The following FAM124A variants were observed in gnomAD, a reference collection of about 807,000 sequenced individuals.
FAM124A encodes family with sequence similarity 124 member A.
FAM124A carries 23 observed loss-of-function variants against 24.5 expected under a neutral mutation model. The ratio of observed to expected loss-of-function variants is 0.94; its 90% CI spans 0.68 to 1.33. The LOEUF (loss-of-function observed/expected upper bound fraction) is 1.33. FAM124A is among the 40% of genes most tolerant of loss of function. The probability of loss-of-function intolerance (pLI) is 0.00; values close to 1 mark genes in which losing one functional copy is unlikely to be tolerated. For synonymous variants in FAM124A, 287 were observed against 314.7 expected (o/e 0.91, Z 0.93); for missense variants, 623 against 722.8 (o/e 0.86, Z 1.58).
At chr13:51,226,737 G>A (rs1240884038) in intron 1 of FAM124A, among the ~76,000 whole-genome samples, 15 of 152,174 alleles carry the variant, frequency 9.9e-5, no homozygotes, top group Admixed American at 9.8e-4. Context: ...GGAAGAAACA[G>A]TTCCGAGAAA....
chr13:51,277,899 G>A (rs4942987), intron 3 of FAM124A, among the ~76,000 whole-genome samples: 16,273 of 152,120 alleles, frequency 0.11, 949 homozygotes, highest in East Asian at 0.27. Flanking sequence ...AGACCCCTTC[G>A]CTTCCCCAGT....
intron 1 of FAM124A, among the ~76,000 whole-genome samples, chr13:51,224,402 C>T (rs1161926651): frequency 1.3e-5 from 2 of 151,928 alleles, no homozygotes; most frequent in African/African-American, 4.8e-5. Flanking sequence ...ACCCGGGAGG[C>T]GGAGGTTGCC....
chr13:51,276,205 C>T lies in FAM124A; in HGVS notation c.835-4245C>T, dbSNP rs573460261. The stretch of plus-strand genomic sequence containing the variant: ...TCAGAGAGATCACTCAAGAGGTATG[C>T]GGGGTGAAGCTAGGGAGGCTAAGTA... On this transcript the variant is annotated intron_variant, in intron 3 of 3. Transcript: ENST00000322475. Among the ~76,000 whole-genome samples the T allele has an allele frequency of 5.9e-5, 9 of 152,186 alleles. No homozygotes were observed. In the South Asian group the frequency reaches 8.3e-4, roughly 14 times the overall value.
At chr13:51,244,834 G>A (rs1954538054) in intron 2 of FAM124A, among the ~76,000 whole-genome samples, 5 of 152,226 alleles carry the variant, frequency 3.3e-5, no homozygotes, top group African/African-American at 4.8e-5. Flanking sequence ...TGCCCACCCA[G>A]GCGAAACAGC....
In FAM124A at chr13:51,224,294, C is replaced by T. The variant is rs532944920; in HGVS notation, c.68+1725C>T. Among the ~76,000 whole-genome samples the T allele has an allele frequency of 3.9e-5, 6 of 152,304 alleles. No individual in the cohort carries two copies. In the East Asian group the frequency reaches 1.2e-3, roughly 29 times the overall value. ...GACCAGCCTGGCCAACATGGAGAAACCTCATCCCTACTAAAAAATATACAG... is the reference window on the plus strand; with the variant it reads ...GACCAGCCTGGCCAACATGGAGAAATCTCATCCCTACTAAAAAATATACAG... On this transcript the variant is annotated intron_variant, in intron 1 of 3. Transcript: ENST00000322475.
intron 2 of FAM124A, among the ~76,000 whole-genome samples, chr13:51,247,826 C>G (rs2408302): frequency 0.84 from 127,203 of 152,158 alleles, 53,458 homozygotes; most frequent in South Asian, 0.9. Context: ...TGGAGTTACT[C>G]ACTGGCAGAA....
chr13:51,239,395 T>C (rs1954468725), intron 2 of FAM124A, among the ~76,000 whole-genome samples: 1 of 152,228 alleles, frequency 6.6e-6, no homozygotes, highest in Admixed American at 6.5e-5. Flanking sequence ...TTTTGGGTAA[T>C]AATTTACTAA....
At chr13:51,242,322 C>A (rs73194189) in intron 2 of FAM124A, among the ~76,000 whole-genome samples, 3,460 of 152,292 alleles carry the variant, frequency 0.023, 55 homozygotes, top group Non-Finnish European at 0.037. Context: ...GCTATAGCCT[C>A]TTCAGGCATT....
At chr13:51,255,505 T>G (rs1451146481) in intron 3 of FAM124A, among the ~76,000 whole-genome samples, 1 of 152,230 alleles carries the variant, frequency 6.6e-6, no homozygotes, top group Non-Finnish European at 1.5e-5. Context: ...CTTTGAGTTC[T>G]TGTAGCAGCA....
At position 51,222,469 on chromosome 13, in the gene FAM124A, G is replaced by A; in HGVS notation, c.-33G>A. 1 of 1,205,112 alleles carries A rather than the reference G, an allele frequency of 8.3e-7. No homozygotes were observed. Among genetic ancestry groups the A allele is most frequent in the Admixed American group, 4.4e-5 (1 of 22,526 alleles). The allele number at this position is 1,205,112 out of a possible 1,614,324, so 74.7% of individuals were successfully genotyped here. On this transcript the variant is annotated 5_prime_UTR_variant, in exon 1 of 4. Transcript: ENST00000322475. ...GGAGGGCGCCCCGGGTCACGACGGC[G>A]CCCGCAAGCCGAGCGCGGCCGGGAC...
intron 1 of FAM124A, among the ~76,000 whole-genome samples, chr13:51,230,075 T>TTATATATATATATATATATATATATATA (rs5803560): frequency 2.0e-5 from 3 of 150,916 alleles, no homozygotes; most frequent in African/African-American, 7.3e-5. Flanking sequence ...AAATATTGAA[T>TTATATATATATATATATATATATATATA]TATATATATA....
intron 3 of FAM124A, among the ~76,000 whole-genome samples, chr13:51,279,248 G>T (rs1316068534): frequency 2.0e-5 from 3 of 152,142 alleles, no homozygotes; most frequent in Admixed American, 6.5e-5. Flanking sequence ...CAATTCAAAT[G>T]ATTAAGAAAA....
intron 3 of FAM124A, among the ~76,000 whole-genome samples, chr13:51,273,266 G>A (rs1228171280): frequency 6.6e-6 from 1 of 152,148 alleles, no homozygotes; most frequent in Non-Finnish European, 1.5e-5. Context: ...TAGCCAGGGT[G>A]CTATTGGTAT....
At chr13:51,261,008 A>C (rs1954730566) in intron 3 of FAM124A, among the ~76,000 whole-genome samples, 1 of 152,230 alleles carries the variant, frequency 6.6e-6, no homozygotes, top group African/African-American at 2.4e-5. Context: ...TTGTAGTTTA[A>C]ATTAATAACA....
Position 51,236,698 on chromosome 13 carries a change from TTC to T in FAM124A, c.100+5321_100+5322del, listed in dbSNP as rs575373314. Among the ~76,000 whole-genome samples the T allele has an allele frequency of 5.9e-3, 901 of 152,368 alleles. 10 individuals are homozygous for T. Among genetic ancestry groups the T allele is most frequent in the Non-Finnish European group, 0.011 (722 of 68,034 alleles). On this transcript the variant is annotated intron_variant, in intron 2 of 3. Transcript: ENST00000322475. ...GATAATGAAGTATTTATTATTTTCTTTCTGTTTTCATTAGAGAAGATGATAAC... is the reference window on the plus strand; with the variant it reads ...GATAATGAAGTATTTATTATTTTCTTTGTTTTCATTAGAGAAGATGATAAC...
chr13:51,279,359 A>T (rs1456517252), intron 3 of FAM124A, among the ~76,000 whole-genome samples: 1 of 152,148 alleles, frequency 6.6e-6, no homozygotes, highest in Non-Finnish European at 1.5e-5. Flanking sequence ...GTGACTCTCC[A>T]TTCCTGCTGG....
chr13:51,270,478 C>T (rs938257352), intron 3 of FAM124A, among the ~76,000 whole-genome samples: 1 of 152,106 alleles, frequency 6.6e-6, no homozygotes, highest in African/African-American at 2.4e-5. Flanking sequence ...AAAGCCCACG[C>T]AGAATTCTGG....
chr13:51,278,751 A>G (rs1954908426), intron 3 of FAM124A, among the ~76,000 whole-genome samples: 1 of 152,238 alleles, frequency 6.6e-6, no homozygotes, highest in Admixed American at 6.5e-5. Flanking sequence ...TGTGGTAAAA[A>G]TAAGAGAATA....
chr13:51,263,124 GGA>G (rs985979300), intron 3 of FAM124A, among the ~76,000 whole-genome samples: 1 of 152,196 alleles, frequency 6.6e-6, no homozygotes, highest in Admixed American at 6.5e-5. Flanking sequence ...GGGTGGGGAG[GGA>G]GACACGCTGG....
Sources: gnomAD v4.1 joint callset for allele counts (sites outside exome capture counted in the v4.1 genomes callset) on GRCh38, gnomAD v4.1.1 for gene constraint, MANE v1.5 for transcripts, NCBI Gene and HGNC (gene_info 2026-07-23, HGNC 2026-07-21) for gene names.